DGCR2: variants seen among roughly 807,000 people sequenced by gnomAD.
The protein encoded by DGCR2 is DiGeorge syndrome critical region gene 2.
Under a neutral mutation model 51.6 loss-of-function variants are expected in DGCR2, and 24 were observed. The observed-to-expected ratio is 0.47, with a 90% confidence interval of 0.34 to 0.65. The LOEUF (loss-of-function observed/expected upper bound fraction) is 0.65. DGCR2 is among the 30% of genes least tolerant of loss of function. The probability of loss-of-function intolerance (pLI) is 0.01; values close to 1 mark genes in which losing one functional copy is unlikely to be tolerated. For synonymous variants in DGCR2, 340 were observed against 315.4 expected, an observed-to-expected ratio of 1.08 and a Z score of -0.82; for missense variants, 765 against 772.1, an observed-to-expected ratio of 0.99 and a Z score of 0.11.
intron 4 of DGCR2, 64 bp from the exon 5 acceptor site, chr22:19,063,342 G>A (rs921960564): frequency 1.3e-4 from 190 of 1,513,944 alleles, no homozygotes; most frequent in Non-Finnish European, 1.7e-4. Flanking sequence ...ATCAATGACT[G>A]TGTGTTTTTT....
chr22:19,108,869 A>AAAAATC (rs904126741), intron 1 of DGCR2, among the ~76,000 whole-genome samples: 1 of 151,958 alleles, frequency 6.6e-6, no homozygotes, highest in African/African-American at 2.4e-5. Context: ...AAAAAAAAAA[A>AAAAATC]AAAATCAAAA....
At chr22:19,087,973 C>T (rs550520985) in intron 2 of DGCR2, among the ~76,000 whole-genome samples, 2 of 152,292 alleles carry the variant, frequency 1.3e-5, no homozygotes, top group East Asian at 3.9e-4. Flanking sequence ...TGTGAGCCTT[C>T]GCACCCTGCC....
intron 5 of DGCR2, among the ~76,000 whole-genome samples, chr22:19,058,063 T>G (rs1416509468): frequency 6.6e-6 from 1 of 152,160 alleles, no homozygotes. Context: ...ACAGCAGCAG[T>G]GCAGCTCACC....
intron 1 of DGCR2, among the ~76,000 whole-genome samples, chr22:19,090,216 G>A (rs1318672495): frequency 6.6e-6 from 1 of 152,180 alleles, no homozygotes; most frequent in East Asian, 1.9e-4. Flanking sequence ...TCAGTAAGCT[G>A]TGGAACAACC....
At chr22:19,080,965 GC>G in intron 2 of DGCR2, among the ~76,000 whole-genome samples, 1 of 152,276 alleles carries the variant, frequency 6.6e-6, no homozygotes, top group South Asian at 2.1e-4. Context: ...TATGCCTGAT[GC>G]CTGCCACCCT....
At chr22:19,076,586 T>C (rs545008952) in intron 2 of DGCR2, among the ~76,000 whole-genome samples, 5 of 152,150 alleles carry the variant, frequency 3.3e-5, no homozygotes, top group Non-Finnish European at 7.4e-5. Flanking sequence ...ACACTTGTCA[T>C]TTCCTGTTCA....
intron 1 of DGCR2, among the ~76,000 whole-genome samples, chr22:19,098,094 T>TA (rs200800305): frequency 0.013 from 1,998 of 152,056 alleles, 36 homozygotes; most frequent in South Asian, 0.058. Context: ...AAAAAAAAAA[T>TA]AGTTATCAAA....
intron 5 of DGCR2, among the ~76,000 whole-genome samples, chr22:19,059,760 G>A (rs1229184852): frequency 6.6e-6 from 1 of 152,090 alleles, no homozygotes; most frequent in Non-Finnish European, 1.5e-5. Context: ...AGGACACCCT[G>A]CTCCCCAGAC....
At chr22:19,065,142 G>A (rs2082734260) in intron 3 of DGCR2, 75 bp from the exon 4 acceptor site, 5 of 1,268,450 alleles carry the variant, frequency 3.9e-6, no homozygotes, top group Non-Finnish European at 5.6e-6. Flanking sequence ...ACTCCATCAG[G>A]GACAGGCACA....
chr22:19,118,678 CCAA>C (rs1433912645), intron 1 of DGCR2, among the ~76,000 whole-genome samples: 1 of 152,178 alleles, frequency 6.6e-6, no homozygotes, highest in Non-Finnish European at 1.5e-5. Flanking sequence ...CTGTACAGGA[CCAA>C]CAACCAGCAG....
Position 19,089,429 on chromosome 22 carries a change from G to A in DGCR2, c.141C>T (p.Leu47=). Residue 47 remains leucine, a synonymous_variant, in exon 2 of 10, where the codon CTC becomes CTT. Transcript: ENST00000263196. ...CRSGTIQCIP[L]PWQCDGWATC... The stretch of plus-strand genomic sequence containing the variant: ...TCGCCCAGCCGTCACACTGCCAGGG[G>A]AGGGGGATGCACTGGATGGTGCCGC... 6.2e-7 allele frequency: 1 copy of A among 1,610,434 alleles called. No homozygotes were observed. The highest frequency in any genetic ancestry group is 1.7e-5 in the Admixed American group (1 of 59,620).
chr22:19,080,839 A>G (rs1047425636), intron 2 of DGCR2, among the ~76,000 whole-genome samples: 1 of 152,202 alleles, frequency 6.6e-6, no homozygotes, highest in Non-Finnish European at 1.5e-5. Context: ...GTCTCAAAAA[A>G]AAGAAATGAA....
chr22:19,091,363 A>C (rs1465199346), intron 1 of DGCR2, among the ~76,000 whole-genome samples: 1 of 152,236 alleles, frequency 6.6e-6, no homozygotes, highest in African/African-American at 2.4e-5. Context: ...CTGTCTCAAA[A>C]AAAGGCTAGC....
intron 1 of DGCR2, among the ~76,000 whole-genome samples, chr22:19,103,541 C>T (rs1474272438): frequency 1.4e-5 from 2 of 146,800 alleles, no homozygotes; most frequent in African/African-American, 5.0e-5. Flanking sequence ...TGCCCTTCTC[C>T]TGCCTCAGCC....
At chr22:19,121,844 G>A (rs959282695) in intron 1 of DGCR2, 1 of 230,570 alleles carries the variant, frequency 4.3e-6, no homozygotes, top group Non-Finnish European at 8.3e-6. Context: ...GGACTGGCGA[G>A]AGGGTGCGCC....
intron 2 of DGCR2, among the ~76,000 whole-genome samples, chr22:19,081,019 G>A (rs1182415135): frequency 2.6e-5 from 4 of 152,204 alleles, no homozygotes; most frequent in African/African-American, 7.2e-5. Flanking sequence ...CTGGGAGGCT[G>A]CTGGGCAAAC....
intron 1 of DGCR2, among the ~76,000 whole-genome samples, chr22:19,099,473 C>T (rs943027804): frequency 2.6e-5 from 4 of 151,880 alleles, no homozygotes; most frequent in African/African-American, 4.8e-5. Context: ...GTCCCAGCTA[C>T]TCAGGAGGCT....
intron 1 of DGCR2, among the ~76,000 whole-genome samples, chr22:19,093,767 T>C (rs533794013): frequency 4.6e-5 from 7 of 152,110 alleles, no homozygotes; most frequent in African/African-American, 1.2e-4. Context: ...GAGGCCAAGG[T>C]GGGAGCAACA....
chr22:19,039,238 G>A (rs2082405372), intron 9 of DGCR2, 117 bp from the exon 10 acceptor site: 3 of 1,358,268 alleles, frequency 2.2e-6, no homozygotes, highest in African/African-American at 2.9e-5. Context: ...CTGAAGCTGG[G>A]TGGTGAGCAG....
Sources: allele counts gnomAD v4.1 joint callset (sites outside exome capture counted in the v4.1 genomes callset), GRCh38; gene constraint gnomAD v4.1.1; transcripts MANE v1.5; gene names NCBI Gene and HGNC (gene_info 2026-07-23, HGNC 2026-07-21).